PCDHGA1: variants seen among roughly 807,000 people sequenced by gnomAD.
PCDHGA1 encodes protocadherin gamma-A1.
In PCDHGA1, 32 loss-of-function variants were observed where a neutral mutation model predicts 58.0. That is an observed-to-expected ratio of 0.55 (90% CI 0.42 to 0.74). The LOEUF is 0.74. PCDHGA1 is among the 30% of genes least tolerant of loss of function. The pLI, the probability that PCDHGA1 is intolerant of heterozygous loss-of-function variation, is 0.00. For missense variants in PCDHGA1, 1,205 were observed against 1,182.3 expected, an observed-to-expected ratio of 1.02 and a Z score of -0.28; for synonymous variants, 498 against 501.1, an observed-to-expected ratio of 0.99 and a Z score of 0.08.
intron 1 of PCDHGA1, chr5:141,375,586 G>A: frequency 6.2e-7 from 1 of 1,614,128 alleles, no homozygotes; most frequent in Non-Finnish European, 8.5e-7. Flanking sequence ...GGGCGCCCCT[G>A]TCCTCCTACG....
chr5:141,427,871 G>T, intron 1 of PCDHGA1: 1 of 1,559,532 alleles, frequency 6.4e-7, no homozygotes, highest in Non-Finnish European at 8.8e-7. Flanking sequence ...TCGAGCTCAC[G>T]ATGCAGGCCC....
intron 1 of PCDHGA1, chr5:141,392,255 G>A (rs912458411): frequency 4.6e-5 from 7 of 152,104 alleles, no homozygotes; most frequent in Non-Finnish European, 1.0e-4. Flanking sequence ...AGTATATATT[G>A]GAGACATTTA....
rs1282403944 is a variant in PCDHGA1 at position 141,485,452 on chromosome 5, G to A, written c.2422-9355G>A. ...TCATCAAGAACCCAATCGACCGAGA[G>A]GCACTGTGTGGGCTCAGTGCCAGCT... On this transcript the variant is annotated intron_variant, in intron 1 of 3. Transcript: ENST00000517417. The surrounding 1 kb of genome is among the most constrained non-coding windows in gnomAD (Gnocchi z 5.7). 2.5e-6 allele frequency: 4 copies of A among 1,614,054 alleles called. No individual in the cohort carries two copies. Among genetic ancestry groups the A allele is most frequent in the East Asian group, 4.5e-5 (2 of 44,884 alleles).
In PCDHGA1 at chr5:141,432,929, C is replaced by T. The variant is rs759937939; in HGVS notation, c.2422-61878C>T. On this transcript the variant is annotated intron_variant, in intron 1 of 3. Coordinates refer to ENST00000517417, the MANE Select transcript of PCDHGA1 (RefSeq NM_018912.3). This position sits in a 1 kb window ranked among gnomAD's most constrained non-coding sequence, Gnocchi z 6.0. ...GCTGCGGCGCTGGCACAAGTCACGCCTGCTGCAGGCTTCAGGAGGCGGCTT... is the reference window on the plus strand; with the variant it reads ...GCTGCGGCGCTGGCACAAGTCACGCTTGCTGCAGGCTTCAGGAGGCGGCTT... The T allele has an allele frequency of 6.2e-7, 1 of 1,614,078 alleles. No individual in the cohort carries two copies. Among genetic ancestry groups the T allele is most frequent in the African/African-American group, 1.3e-5 (1 of 74,948 alleles).
intron 1 of PCDHGA1, chr5:141,345,080 C>A (rs1405039338): frequency 6.2e-7 from 1 of 1,613,978 alleles, no homozygotes; most frequent in East Asian, 2.2e-5. Flanking sequence ...AAATTACAAT[C>A]ACGTCTCTCA....
At chr5:141,478,045 T>C in intron 1 of PCDHGA1, 3 of 1,614,144 alleles carry the variant, frequency 1.9e-6, no homozygotes, top group East Asian at 2.2e-5. Flanking sequence ...CCAGGCAGAC[T>C]CTCACGGTCT....
At chr5:141,399,796 C>T (rs62621781) in intron 1 of PCDHGA1, 21,149 of 1,613,212 alleles carry the variant, frequency 0.013, 194 homozygotes, top group Non-Finnish European at 0.015. Context: ...CAACGCACCG[C>T]GGGTGCTGTA....
At chr5:141,380,267 C>A (rs1021604042) in intron 1 of PCDHGA1, among the ~76,000 whole-genome samples, 2 of 152,042 alleles carry the variant, frequency 1.3e-5, no homozygotes, top group Non-Finnish European at 2.9e-5. Flanking sequence ...GGAGTAAAAT[C>A]TCAGAGGAGA....
At chr5:141,374,221 C>T (rs1290951545) in intron 1 of PCDHGA1, 12 of 1,613,878 alleles carry the variant, frequency 7.4e-6, no homozygotes, top group African/African-American at 6.7e-5. Flanking sequence ...CCTTCGTAGG[C>T]AACATCGTCA....
intron 1 of PCDHGA1, among the ~76,000 whole-genome samples, chr5:141,397,091 A>G (rs1162135708): frequency 1.3e-5 from 2 of 152,264 alleles, no homozygotes; most frequent in Non-Finnish European, 2.9e-5. Flanking sequence ...CATTTCAGAT[A>G]GGATAATAAT....
chr5:141,375,817 G>A (rs376557886), intron 1 of PCDHGA1: 6 of 1,614,046 alleles, frequency 3.7e-6, no homozygotes, highest in Non-Finnish European at 4.2e-6. Flanking sequence ...TGGAGCTGGC[G>A]CCCCGCTCCG....
At chr5:141,438,633 TATACACACAC>T (rs1369232099) in intron 1 of PCDHGA1, among the ~76,000 whole-genome samples, 454 of 33,892 alleles carry the variant, frequency 0.013, 1 homozygote, top group Non-Finnish European at 0.019. Flanking sequence ...TATATATATA[TATACACACAC>T]ACACACACAT....
At chr5:141,362,612 G>T (rs774081313) in intron 1 of PCDHGA1, 1 of 1,553,624 alleles carries the variant, frequency 6.4e-7, no homozygotes, top group Admixed American at 1.9e-5. Flanking sequence ...CCTAATTTGG[G>T]TAGGAAGTTC....
At chr5:141,374,560 C>A (rs185125730) in intron 1 of PCDHGA1, 12 of 1,613,708 alleles carry the variant, frequency 7.4e-6, no homozygotes, top group African/African-American at 1.3e-5. Context: ...AGGTCTATGA[C>A]CCTGATGTGG....
intron 1 of PCDHGA1, chr5:141,366,610 C>T (rs1157276449): frequency 1.9e-6 from 3 of 1,614,232 alleles, no homozygotes; most frequent in Non-Finnish European, 2.5e-6. Context: ...TCTCCCTCAC[C>T]GCGGACTCGA....
chr5:141,467,287 A>C (rs2099140956), intron 1 of PCDHGA1, among the ~76,000 whole-genome samples: 1 of 152,082 alleles, frequency 6.6e-6, no homozygotes, highest in Admixed American at 6.6e-5. Flanking sequence ...TCTTGACCTC[A>C]AGTGATCCAC....
At chr5:141,398,162 A>G (rs1037240871) in intron 1 of PCDHGA1, 45 of 1,481,274 alleles carry the variant, frequency 3.0e-5, no homozygotes, top group Non-Finnish European at 4.0e-5. Flanking sequence ...GGCCGGGCTG[A>G]GAGGCTGCCA....
intron 1 of PCDHGA1, chr5:141,400,146 C>A (rs1444566578): frequency 6.2e-7 from 1 of 1,614,080 alleles, no homozygotes; most frequent in South Asian, 1.1e-5. Flanking sequence ...ATATCACTGA[C>A]CGCCCTGTAC....
At chr5:141,353,468 T>C (rs1344586353) in intron 1 of PCDHGA1, among the ~76,000 whole-genome samples, 1 of 152,198 alleles carries the variant, frequency 6.6e-6, no homozygotes, top group Non-Finnish European at 1.5e-5. Flanking sequence ...AGCCTTCCAA[T>C]TATTAAGACT....
Sources: allele counts gnomAD v4.1 joint callset (sites outside exome capture counted in the v4.1 genomes callset), GRCh38; gene constraint gnomAD v4.1.1; non-coding constraint Gnocchi (gnomAD v3.1); transcripts MANE v1.5; gene names NCBI Gene and HGNC (gene_info 2026-07-23, HGNC 2026-07-21).